Variants in SYNE1 observed in about 807,000 individuals in gnomAD.
The protein encoded by SYNE1 is nesprin-1.
A neutral mutation model predicts 1,111.0 loss-of-function variants in SYNE1; 616 were observed. The observed-to-expected ratio is 0.55, with a 90% CI of 0.52 to 0.59. The LOEUF (loss-of-function observed/expected upper bound fraction) is 0.59, where lower values mean the gene tolerates loss of function less well. Ranked by LOEUF, SYNE1 falls within the 20% of genes least tolerant of loss-of-function variation. The pLI is 0.00. For synonymous variants in SYNE1, 3,855 were observed against 3,825.8 expected (o/e 1.01, Z -0.28); for missense variants, 10,006 against 10,417.0 (o/e 0.96, Z 1.72).
At chr6:152,365,436 T>C (rs1367286313) in intron 62 of SYNE1, among the ~76,000 whole-genome samples, 1 of 152,202 alleles carries the variant, frequency 6.6e-6, no homozygotes, top group Non-Finnish European at 1.5e-5. Flanking sequence ...AGTACTATTC[T>C]TTTTCTATGT....
intron 16 of SYNE1, among the ~76,000 whole-genome samples, chr6:152,468,090 T>C (rs1381296109): frequency 2.0e-5 from 3 of 152,180 alleles, no homozygotes; most frequent in Non-Finnish European, 2.9e-5. Flanking sequence ...TTGATGGTGC[T>C]TCAAGAAAAG....
rs375466040 is a variant in SYNE1, at chr6:152,387,126, G to A, written c.8433C>T (p.Asp2811=). The change falls in exon 54 of 146, where the codon GAC becomes GAT. Residue 2811 remains aspartate (D), a synonymous_variant. Transcript: ENST00000367255. ...GTGTTTTCAGCTCCTCTTGAGCTGT[G>A]TCCTTGAAAGACTCATCCTCTGTCT... The part of the protein sequence containing the change: ...YEKTEDESFK[D]TAQEELKTQF... The A allele has an allele frequency of 4.2e-5, 68 of 1,614,168 alleles. No homozygotes were observed. In the African/African-American group the frequency reaches 8.5e-4, roughly 20 times the overall value.
chr6:152,451,150 T>C lies in SYNE1; in HGVS notation c.3083A>G (p.Lys1028Arg), dbSNP rs369619658. 2.5e-6 allele frequency: 4 copies of C among 1,614,112 alleles called. No homozygotes were observed. The highest frequency in any genetic ancestry group is 3.4e-6 in the Non-Finnish European group (4 of 1,180,002). Residue 1028 changes from lysine to arginine, a missense_variant, in exon 26 of 146, where the codon AAG becomes AGG. Lys to Arg is a conservative substitution (Grantham distance 26). Around this residue, in one of 7 missense-constraint regions of SYNE1, gnomAD observed 1,971 missense variants for 2,084.1 expected, o/e 0.95. Transcript: ENST00000367255. ...TTCTACAGAGGCTAAGAACCTATTCTTCTCCACATCAATCTTCAGATGAAG... is the reference window on the plus strand; with the variant it reads ...TTCTACAGAGGCTAAGAACCTATTCCTCTCCACATCAATCTTCAGATGAAG... Reference protein sequence around the residue: ...HLLHLKIDVEKNRFLASVEEC... With the variant: ...HLLHLKIDVERNRFLASVEEC...
chr6:152,574,954 T>C (rs975222583), intron 3 of SYNE1, among the ~76,000 whole-genome samples: 1 of 152,246 alleles, frequency 6.6e-6, no homozygotes, highest in Admixed American at 6.5e-5. Flanking sequence ...TTAGGTTCTT[T>C]AAGCCACCAT....
Position 152,358,384 on chromosome 6 carries a change from G to A in SYNE1, c.10597C>T (p.Arg3533Cys), listed in dbSNP as rs776816480. 20 of 1,613,968 alleles carry A rather than the reference G, an allele frequency of 1.2e-5. No homozygotes were observed. Among genetic ancestry groups the A allele is most frequent in the African/African-American group, 9.3e-5 (7 of 74,908 alleles). The change falls in exon 66 of 146, where the codon CGT (arginine) becomes TGT (cysteine). Residue 3533 changes from arginine (R) to cysteine (C), a missense_variant. Coordinates refer to ENST00000367255, the MANE Select transcript of SYNE1 (RefSeq NM_182961.4). The stretch of plus-strand genomic sequence containing the variant: ...AAAGGAGGCCTTACCTGAAGATCAC[G>A]CAATGTTGTCTCATGAGTGTGGGCA... ...GDAHTHETTL[R>C]DLQELQVHCA...
intron 78 of SYNE1, among the ~76,000 whole-genome samples, chr6:152,329,390 G>A (rs2096183800): frequency 6.6e-6 from 1 of 152,170 alleles, no homozygotes. Flanking sequence ...AGCTGGATGT[G>A]ATGGCGGGTG....
chr6:152,314,623 C>T (rs771491575), intron 87 of SYNE1, among the ~76,000 whole-genome samples: 1 of 152,012 alleles, frequency 6.6e-6, no homozygotes, highest in Non-Finnish European at 1.5e-5. Flanking sequence ...TCCTTTGTAC[C>T]CTAAATGCCT....
At position 152,239,565 on chromosome 6, in the gene SYNE1, T is replaced by C. The variant is rs1291575101; in HGVS notation, c.20035A>G (p.Lys6679Glu). The C allele has an allele frequency of 2.5e-6, 4 of 1,614,060 alleles. No homozygotes were observed. The highest frequency in any genetic ancestry group is 3.4e-6 in the Non-Finnish European group (4 of 1,180,036). ...QASAVLKRAH[K>E]RGVELEYILE... Reference sequence around the variant, plus strand: ...ATGTACTCCAGCTCCACACCCCTCTTGTGAGCCCGTTTCAGTACAGCAGAA... The same window carrying C: ...ATGTACTCCAGCTCCACACCCCTCTCGTGAGCCCGTTTCAGTACAGCAGAA... The change falls in exon 108 of 146, where the codon AAG becomes GAG. Residue 6679 changes from lysine (K) to glutamate (E), a missense_variant. Physicochemically the swap from Lys to Glu is moderately conservative, Grantham distance 56. This residue lies in a region of SYNE1 where 2,182 missense variants were observed against 2,287.8 expected (regional missense o/e 0.95). Coordinates refer to ENST00000367255, the MANE Select transcript of SYNE1 (RefSeq NM_182961.4).
chr6:152,488,319 A>G, intron 12 of SYNE1, 77 bp downstream of exon 12: 1 of 753,548 alleles, frequency 1.3e-6, no homozygotes, highest in Non-Finnish European at 2.3e-6. Flanking sequence ...GAAGCATTAA[A>G]TGGAGATCAA....
intron 105 of SYNE1, among the ~76,000 whole-genome samples, chr6:152,246,086 A>G (rs2087049173): frequency 6.6e-6 from 1 of 152,160 alleles, no homozygotes; most frequent in South Asian, 2.1e-4. Flanking sequence ...GACAGGCCTG[A>G]CAATTTGACA....
At chr6:152,239,920 T>C (rs1172854330) in intron 107 of SYNE1, among the ~76,000 whole-genome samples, 3 of 152,138 alleles carry the variant, frequency 2.0e-5, no homozygotes, top group Non-Finnish European at 4.4e-5. Context: ...CAGCCGGGCA[T>C]GCTGGTGTGT....
chr6:152,267,846 A>G (rs986074955), intron 100 of SYNE1, among the ~76,000 whole-genome samples: 1 of 152,206 alleles, frequency 6.6e-6, no homozygotes, highest in Admixed American at 6.5e-5. Context: ...GGCTGGAAGG[A>G]GGGCAAACAA....
chr6:152,522,972 G>T (rs983258886), intron 5 of SYNE1, among the ~76,000 whole-genome samples: 48 of 152,182 alleles, frequency 3.2e-4, no homozygotes, highest in African/African-American at 1.2e-3. Context: ...CAGATGCATA[G>T]TTTGCAAATA....
At chr6:152,430,282 G>C in intron 35 of SYNE1, 72 bp from the exon 36 acceptor site, 2 of 1,322,438 alleles carry the variant, frequency 1.5e-6, no homozygotes, top group South Asian at 1.3e-5. Context: ...AAGTTACTGA[G>C]AAAATGGCAT....
intron 130 of SYNE1, among the ~76,000 whole-genome samples, chr6:152,164,983 A>C (rs537847899): frequency 3.3e-5 from 5 of 152,334 alleles, no homozygotes; most frequent in Admixed American, 1.3e-4. Context: ...GTAAGACTCT[A>C]GGTTTGTGAT....
At chr6:152,487,134 T>G (rs1052896064) in intron 12 of SYNE1, among the ~76,000 whole-genome samples, 8 of 152,234 alleles carry the variant, frequency 5.3e-5, no homozygotes, top group Non-Finnish European at 1.2e-4. Flanking sequence ...GGTGGTTTGC[T>G]GCACAGATCA....
chr6:152,545,085 T>A (rs575655735), intron 3 of SYNE1, among the ~76,000 whole-genome samples: 1 of 152,284 alleles, frequency 6.6e-6, no homozygotes, highest in South Asian at 2.1e-4. Flanking sequence ...ATTTGGACAG[T>A]AAATGAAATT....
At chr6:152,608,850 T>G (rs2099623211) in intron 3 of SYNE1, among the ~76,000 whole-genome samples, 1 of 152,084 alleles carries the variant, frequency 6.6e-6, no homozygotes, top group African/African-American at 2.4e-5. Flanking sequence ...GGAGAATCAC[T>G]TGAACCCAGA....
At chr6:152,217,136 T>A (rs1385164431) in intron 121 of SYNE1, among the ~76,000 whole-genome samples, 5 of 145,550 alleles carry the variant, frequency 3.4e-5, no homozygotes. Flanking sequence ...ACATTAGGCC[T>A]GTAATCCCAG....
Sources: allele counts gnomAD v4.1 joint callset (sites outside exome capture counted in the v4.1 genomes callset), GRCh38; gene constraint gnomAD v4.1.1; regional missense constraint gnomAD v4.1.1; transcripts MANE v1.5; gene names NCBI Gene and HGNC (gene_info 2026-07-23, HGNC 2026-07-21).